The following ERV3-1 variants were observed in gnomAD, a reference collection of about 807,000 sequenced individuals.
ERV3-1 encodes the protein endogenous retrovirus group 3 member 1 Env polyprotein.
A neutral mutation model predicts 24.6 loss-of-function variants in ERV3-1; 36 were observed. That is an observed-to-expected ratio of 1.47 (90% confidence interval 1.12 to 1.94). ERV3-1 has a LOEUF of 1.94. ERV3-1 is among the 30% of genes most tolerant of loss of function. The probability of loss-of-function intolerance (pLI) is 0.00; values close to 1 mark genes in which losing one functional copy is unlikely to be tolerated. For missense variants in ERV3-1, 578 were observed against 330.9 expected (o/e 1.75, Z -5.79); for synonymous variants, 211 against 122.6 (o/e 1.72, Z -4.76).
intron 1 of ERV3-1, among the ~76,000 whole-genome samples, chr7:64,995,009 T>TG (rs1412123193): frequency 6.6e-6 from 1 of 152,244 alleles, no homozygotes; most frequent in Non-Finnish European, 1.5e-5. Flanking sequence ...CGTCCACTGT[T>TG]GCCACAGTCA....
intron 1 of ERV3-1, among the ~76,000 whole-genome samples, chr7:65,000,895 T>C (rs1786506362): frequency 6.6e-6 from 1 of 152,190 alleles, no homozygotes; most frequent in South Asian, 2.1e-4. Flanking sequence ...TGCAGAAACA[T>C]GGACAGAGTT....
intron 1 of ERV3-1, among the ~76,000 whole-genome samples, chr7:64,994,538 CCT>C (rs575844981): frequency 5.3e-4 from 81 of 152,280 alleles, no homozygotes; most frequent in African/African-American, 1.7e-3. Flanking sequence ...ATTTTGCCTC[CCT>C]GTCTGCCTTT....
intron 1 of ERV3-1, among the ~76,000 whole-genome samples, chr7:65,005,843 T>C (rs1242830353): frequency 6.6e-6 from 1 of 152,204 alleles, no homozygotes. Context: ...CGAATGATTT[T>C]TTTCTAAAGT....
rs372688131 is a variant in ERV3-1, at chr7:64,991,906, T to C, written c.1121A>G (p.Lys374Arg). ...GQQYYNETLGKTLWRGKSNNS... is the reference protein window; with the variant it reads ...GQQYYNETLGRTLWRGKSNNS... ...ATTGCTTTTGCCCCTCCATAAAGTC[T>C]TTCCTAGTGTCTCGTTGTAATATTG... Residue 374 changes from lysine (K) to arginine (R), a missense_variant, in exon 2 of 2, where the codon AAG becomes AGG. Lys to Arg is a conservative substitution (Grantham distance 26). Transcript: ENST00000394323. 3.0e-5 allele frequency: 23 copies of C among 766,290 alleles called. No homozygotes were observed. The highest frequency in any genetic ancestry group is 5.3e-5 in the Non-Finnish European group (22 of 417,898). 47.5% of individuals were successfully genotyped at this position (766,290 alleles called of 1,614,324 possible).
chr7:65,006,256 A>T (rs984265143), intron 1 of ERV3-1: 3 of 516,382 alleles, frequency 5.8e-6, no homozygotes, highest in African/African-American at 5.8e-5. Context: ...GTCCCTGCAC[A>T]ATCGGGGAGA....
Position 64,995,995 on chromosome 7 carries a change from A to C in ERV3-1, c.-388-2581T>G, listed in dbSNP as rs143178881. ...CCTGTGACTGAATTGTCCCATTAAA[A>C]TGCAAAGATGGGCTGACTAACTGGT... On this transcript the variant is annotated intron_variant, in intron 1 of 1. Transcript: ENST00000394323. 1.1e-3 allele frequency among the ~76,000 whole-genome samples: 171 copies of C among 152,360 alleles called. 1 individual carries two copies. Among genetic ancestry groups the C allele is most frequent in the African/African-American group, 3.8e-3 (160 of 41,594 alleles).
intron 1 of ERV3-1, among the ~76,000 whole-genome samples, chr7:64,996,519 C>G (rs1786410838): frequency 6.6e-6 from 1 of 152,192 alleles, no homozygotes; most frequent in East Asian, 1.9e-4. Flanking sequence ...CATTCCTCAG[C>G]CTGCGGGATG....
chr7:64,992,635 G>T lies in ERV3-1; in HGVS notation c.392C>A (p.Ser131Ter), dbSNP rs768198798. Residue 131 changes from serine (S) to a stop codon, truncating the protein, a stop_gained, in exon 2 of 2, where the codon TCA becomes TAA. Coordinates refer to ENST00000394323, the MANE Select transcript of ERV3-1 (RefSeq NM_001007253.4). LOFTEE classifies it high-confidence loss of function. ...GGAACTGAAGATTACGGGAAAGAGT[G>T]AGCCCATGGATACTATCTGGCAAAC... ...FDVCQIVSMG[S>*]LFPVIFSSME... 2.6e-5 allele frequency: 20 copies of T among 766,246 alleles called. No individual in the cohort carries two copies. Among genetic ancestry groups the T allele is most frequent in the Non-Finnish European group, 4.5e-5 (19 of 417,900 alleles). 47.5% of individuals were successfully genotyped at this position (766,246 alleles called of 1,614,324 possible).
chr7:64,992,363 C>A lies in ERV3-1; in HGVS notation c.664G>T (p.Ala222Ser), dbSNP rs767232366. 2 of 766,370 alleles carry A rather than the reference C, an allele frequency of 2.6e-6. No homozygotes were observed. The highest frequency in any genetic ancestry group is 1.7e-5 in the Admixed American group (1 of 59,018). The allele number at this position is 766,370 out of a possible 1,614,324, so 47.5% of individuals were successfully genotyped here. Residue 222 changes from alanine (A) to serine (S), a missense_variant, in exon 2 of 2, where the codon GCA becomes TCA. Ala to Ser is a moderately conservative substitution (Grantham distance 99, BLOSUM62 1). Coordinates refer to ENST00000394323, the MANE Select transcript of ERV3-1 (RefSeq NM_001007253.4). ...WTTGLKAPLG[A>S]RVSGEEIGPG... ...CCAATTTCTTCACCGCTGACTCGTG[C>A]CCCTAGCGGTGCTTTTAAACCTGTT...
In ERV3-1 at chr7:64,993,019, C is replaced by G; in HGVS notation, c.8G>C (p.Gly3Ala). ...CAAAGTGATGAGTAGCATGTTCATA[C>G]CCAGCATGGACAGAAAAGGCTTTTT... The part of the protein sequence containing the change: ML[G>A]MNMLLITLFL... Residue 3 changes from glycine (G) to alanine (A), a missense_variant, in exon 2 of 2, where the codon GGT (glycine) becomes GCT (alanine). By Grantham distance (60) the Gly-to-Ala change is moderately conservative. Transcript: ENST00000394323. The G allele has an allele frequency of 1.3e-6, 1 of 752,838 alleles. No individual in the cohort carries two copies. Among genetic ancestry groups the G allele is most frequent in the East Asian group, 2.4e-5 (1 of 40,910 alleles). The allele number at this position is 752,838 out of a possible 1,614,324, so 46.6% of individuals were successfully genotyped here.
At chr7:64,998,810 G>T (rs536182093) in intron 1 of ERV3-1, among the ~76,000 whole-genome samples, 1 of 152,070 alleles carries the variant, frequency 6.6e-6, no homozygotes, top group Admixed American at 6.6e-5. Flanking sequence ...AGTCTCGGTC[G>T]GTTCCACACT....
rs1584060472 is a variant in ERV3-1 at position 64,992,498 on chromosome 7, A to G, written c.529T>C (p.Ser177Pro). ...TTGGTAAGCATAATTGGCCCTAGTG[A>G]TTGTTGGTTAGTGGACCACGTTGTG... Reference protein sequence around the residue: ...DCTTWSTNQQSLGPIMLTKIP... With the variant: ...DCTTWSTNQQPLGPIMLTKIP... Residue 177 changes from serine to proline, a missense_variant, in exon 2 of 2, where the codon TCA becomes CCA. Transcript: ENST00000394323. 1.3e-6 allele frequency: 1 copy of G among 766,274 alleles called. No individual in the cohort carries two copies. The highest frequency in any genetic ancestry group is 1.7e-5 in the African/African-American group (1 of 59,180). 47.5% of individuals were successfully genotyped at this position (766,274 alleles called of 1,614,324 possible).
intron 1 of ERV3-1, chr7:65,006,270 G>C (rs1332728884): frequency 1.9e-6 from 1 of 539,362 alleles, no homozygotes; most frequent in Non-Finnish European, 3.3e-6. Context: ...GGGGAGAGCT[G>C]CGGCAGTGGG....
rs1202650467 is a variant in ERV3-1 at position 64,991,660 on chromosome 7, G to C, written c.1367C>G (p.Ala456Gly). 1 of 712,592 alleles carries C rather than the reference G, an allele frequency of 1.4e-6. No individual in the cohort carries two copies. Among genetic ancestry groups the C allele is most frequent in the Admixed American group, 2.0e-5 (1 of 50,442 alleles). 44.1% of individuals were successfully genotyped at this position (712,592 alleles called of 1,614,324 possible). Reference sequence around the variant, plus strand: ...TTCATCATAGATGGGGTATCCTAAGGCTTCTCCCTGTTTTAGGGGCATTAG... The same window carrying C: ...TTCATCATAGATGGGGTATCCTAAGCCTTCTCCCTGTTTTAGGGGCATTAG... ...FFLMPLKQGE[A>G]LGYPIYDETK... is the part of the protein sequence containing the mutation. Residue 456 changes from alanine (A) to glycine (G), a missense_variant, in exon 2 of 2, where the codon GCC becomes GGC. Physicochemically the swap from Ala to Gly is moderately conservative, Grantham distance 60. Transcript: ENST00000394323.
chr7:64,998,643 C>T (rs1298676381), intron 1 of ERV3-1, among the ~76,000 whole-genome samples: 1 of 152,148 alleles, frequency 6.6e-6, no homozygotes, highest in East Asian at 1.9e-4. Context: ...CCTTTCATTT[C>T]AGACTGATTA....
intron 1 of ERV3-1, among the ~76,000 whole-genome samples, chr7:64,996,033 C>G (rs999317675): frequency 6.6e-6 from 1 of 152,198 alleles, no homozygotes; most frequent in Non-Finnish European, 1.5e-5. Flanking sequence ...CAGGTAGAGA[C>G]AGAAGAAAGC....
In ERV3-1 at chr7:65,006,659, C is replaced by T; in HGVS notation, c.-507G>A. On this transcript the variant is annotated 5_prime_UTR_variant, in exon 1 of 2. Transcript: ENST00000394323. ...AGAAGACACAGAGCAGTGAAGACTA[C>T]ACCAGAAGCTCCGGCTGCCGCCAGA... 1.3e-6 allele frequency: 2 copies of T among 1,511,166 alleles called. No individual in the cohort carries two copies. The highest frequency in any genetic ancestry group is 9.2e-7 in the Non-Finnish European group (1 of 1,091,014). 93.6% of individuals were successfully genotyped at this position (1,511,166 alleles called of 1,614,324 possible).
rs375919861 is a variant in ERV3-1, at chr7:64,992,560, C to A, written c.467G>T (p.Cys156Phe). The change falls in exon 2 of 2, where the codon TGT becomes TTT. Residue 156 changes from cysteine to phenylalanine, a missense_variant. Cys to Phe is a radical substitution (Grantham distance 205). Transcript: ENST00000394323. ...AGTTGTTACTGGGGAATCGGTGGAA[C>A]AAGCAGGGTGTGCATACCTATTTTT... ...CHKNRYAHPA[C>F]STDSPVTTCW... The A allele has an allele frequency of 2.2e-5, 17 of 766,240 alleles. No homozygotes were observed. The highest frequency in any genetic ancestry group is 2.0e-4 in the South Asian group (15 of 74,628). 47.5% of individuals were successfully genotyped at this position (766,240 alleles called of 1,614,324 possible).
Sources: allele counts gnomAD v4.1 joint callset (sites outside exome capture counted in the v4.1 genomes callset), GRCh38; gene constraint gnomAD v4.1.1; transcripts MANE v1.5; gene names NCBI Gene and HGNC (gene_info 2026-07-23, HGNC 2026-07-21).